The following DLGAP2 variants were observed in gnomAD, a reference collection of about 807,000 sequenced individuals.
DLGAP2 encodes DLG associated protein 2.
In DLGAP2, 26 loss-of-function variants were observed where a neutral mutation model predicts 100.3. The observed-to-expected ratio is 0.26, with a 90% CI of 0.19 to 0.36. The LOEUF is 0.36. DLGAP2 is among the 10% of genes least tolerant of loss of function. DLGAP2 has a pLI of 1.00. For missense variants in DLGAP2, 1,858 were observed against 1,453.2 expected, an observed-to-expected ratio of 1.28 and a Z score of -4.53; for synonymous variants, 886 against 630.1, an observed-to-expected ratio of 1.41 and a Z score of -6.08.
chr8:807,014 C>T (rs1318052090), intron 1 of DLGAP2, among the ~76,000 whole-genome samples: 1 of 152,194 alleles, frequency 6.6e-6, no homozygotes, highest in East Asian at 1.9e-4. Flanking sequence ...CCTGAATCTC[C>T]TACCTGGGAC....
Position 806,594 on chromosome 8 carries a change from C to T in DLGAP2, c.18+68769C>T, listed in dbSNP as rs112880331. Among the ~76,000 whole-genome samples, 553 of 152,262 alleles carry T rather than the reference C, an allele frequency of 3.6e-3. 2 individuals are homozygous for T. The highest frequency in any genetic ancestry group is 0.012 in the African/African-American group (518 of 41,562). ...CAGGTGCCCCCCGAACAGGTGTACC[C>T]GGAACAGGCTTCCTTGCTCGGCTGC... On this transcript the variant is annotated intron_variant, in intron 1 of 14. Transcript: ENST00000637795.
chr8:977,572 G>A (rs146825707), intron 2 of DLGAP2, among the ~76,000 whole-genome samples: 7 of 152,158 alleles, frequency 4.6e-5, no homozygotes, highest in Non-Finnish European at 7.3e-5. Context: ...GCCTCCTTGC[G>A]AACTTTTTCA....
intron 5 of DLGAP2, among the ~76,000 whole-genome samples, chr8:1,564,006 A>G (rs927426185): frequency 6.6e-6 from 1 of 152,192 alleles, no homozygotes; most frequent in Non-Finnish European, 1.5e-5. Context: ...TGTAAACAGC[A>G]TTTGGGGAGA....
At chr8:941,562 T>C (rs990714520) in intron 2 of DLGAP2, among the ~76,000 whole-genome samples, 2 of 152,092 alleles carry the variant, frequency 1.3e-5, no homozygotes, top group African/African-American at 4.8e-5. Context: ...TGCTCCCCTT[T>C]CTCCACAGGC....
At chr8:1,071,038 A>G (rs968415114) in intron 2 of DLGAP2, among the ~76,000 whole-genome samples, 9 of 152,114 alleles carry the variant, frequency 5.9e-5, no homozygotes, top group African/African-American at 2.2e-4. Context: ...CCGGCACCTC[A>G]CTGAGCAGAA....
chr8:1,548,137 C>T (rs554284764), intron 4 of DLGAP2, among the ~76,000 whole-genome samples: 1 of 152,172 alleles, frequency 6.6e-6, no homozygotes, highest in East Asian at 1.9e-4. Flanking sequence ...TCAGTGTTTC[C>T]TCTCCACTCC....
At chr8:1,524,243 G>C (rs1229658972) in intron 4 of DLGAP2, among the ~76,000 whole-genome samples, 2 of 152,116 alleles carry the variant, frequency 1.3e-5, no homozygotes, top group African/African-American at 4.8e-5. Flanking sequence ...AGGGAGGAAG[G>C]GACCCTGTTC....
chr8:1,614,950 T>A (rs1797102810), intron 6 of DLGAP2, among the ~76,000 whole-genome samples: 1 of 152,234 alleles, frequency 6.6e-6, no homozygotes, highest in South Asian at 2.1e-4. Flanking sequence ...GGCGCCGCGC[T>A]CACTCGCGGC....
At chr8:1,040,627 G>A (rs1289187564) in intron 2 of DLGAP2, among the ~76,000 whole-genome samples, 9 of 148,590 alleles carry the variant, frequency 6.1e-5, no homozygotes, top group Non-Finnish European at 1.3e-4. Flanking sequence ...TGGTCGGCTC[G>A]ATTTCCGTGG....
At chr8:1,037,259 C>T (rs1413435036) in intron 2 of DLGAP2, among the ~76,000 whole-genome samples, 4 of 152,326 alleles carry the variant, frequency 2.6e-5, no homozygotes, top group African/African-American at 9.6e-5. Context: ...TCGGGCCTTT[C>T]TCTCTCTGTT....
chr8:1,180,081 C>T (rs933385383), intron 2 of DLGAP2, among the ~76,000 whole-genome samples: 23 of 152,226 alleles, frequency 1.5e-4, no homozygotes, highest in African/African-American at 5.5e-4. Flanking sequence ...CATGTTGTAT[C>T]AATTCCATAA....
At chr8:1,592,441 A>G (rs902859334) in intron 6 of DLGAP2, among the ~76,000 whole-genome samples, 7 of 151,962 alleles carry the variant, frequency 4.6e-5, no homozygotes, top group African/African-American at 1.7e-4. Flanking sequence ...CTGCTTGGAA[A>G]GGGCTCCCTG....
chr8:1,194,107 C>A (rs17065771), intron 2 of DLGAP2, among the ~76,000 whole-genome samples: 2 of 151,746 alleles, frequency 1.3e-5, no homozygotes, highest in Non-Finnish European at 2.9e-5. Flanking sequence ...CCAGTTTTGA[C>A]GCTGTGGAAA....
chr8:858,784 C>T (rs753836598), intron 1 of DLGAP2, among the ~76,000 whole-genome samples: 3 of 152,058 alleles, frequency 2.0e-5, no homozygotes, highest in South Asian at 4.2e-4. Context: ...TCACCGTGGG[C>T]ATATATGAGA....
intron 2 of DLGAP2, among the ~76,000 whole-genome samples, chr8:923,077 G>A (rs1276903208): frequency 6.6e-6 from 1 of 152,124 alleles, no homozygotes; most frequent in East Asian, 1.9e-4. Flanking sequence ...GTCAAACCCC[G>A]GGTGGGTGTT....
At chr8:1,463,707 C>T (rs112776789) in intron 3 of DLGAP2, among the ~76,000 whole-genome samples, 18 of 152,246 alleles carry the variant, frequency 1.2e-4, no homozygotes, top group Admixed American at 1.2e-3. Context: ...ACTTGCTGAC[C>T]AGGCACTGGC....
At chr8:1,129,752 C>T (rs896492888) in intron 2 of DLGAP2, among the ~76,000 whole-genome samples, 1 of 152,144 alleles carries the variant, frequency 6.6e-6, no homozygotes, top group African/African-American at 2.4e-5. Flanking sequence ...CTGAATCCTA[C>T]GTTTTACGAT....
At chr8:1,307,662 C>G (rs935094692) in intron 3 of DLGAP2, among the ~76,000 whole-genome samples, 2 of 152,048 alleles carry the variant, frequency 1.3e-5, no homozygotes, top group Non-Finnish European at 2.9e-5. Context: ...GGGGCCTAGA[C>G]GGGTGAAAGA....
intron 1 of DLGAP2, among the ~76,000 whole-genome samples, chr8:849,215 A>T (rs1444972949): frequency 6.7e-6 from 1 of 148,564 alleles, no homozygotes; most frequent in Non-Finnish European, 1.5e-5. Flanking sequence ...CAGTATAGGA[A>T]CACGTGGTGT....
Sources: gnomAD v4.1 joint callset for allele counts (sites outside exome capture counted in the v4.1 genomes callset) on GRCh38, gnomAD v4.1.1 for gene constraint, MANE v1.5 for transcripts, NCBI Gene and HGNC (gene_info 2026-07-23, HGNC 2026-07-21) for gene names.